Variants in MAN1B1 observed in about 807,000 individuals in gnomAD.
The protein encoded by MAN1B1 is endoplasmic reticulum mannosyl-oligosaccharide 1,2-alpha-mannosidase.
Under a neutral mutation model 75.5 loss-of-function variants are expected in MAN1B1, and 66 were observed. That is an observed-to-expected ratio of 0.87 (90% CI 0.72 to 1.07). MAN1B1 has a LOEUF of 1.07. MAN1B1 is among the 50% of genes least tolerant of loss of function. The pLI is 0.00. For missense variants in MAN1B1, 973 were observed against 912.5 expected, an observed-to-expected ratio of 1.07 and a Z score of -0.85; for synonymous variants, 453 against 382.8, an observed-to-expected ratio of 1.18 and a Z score of -2.14.
chr9:137,108,612 G>A lies in MAN1B1; in HGVS notation c.*21G>A, dbSNP rs955195943. On this transcript the variant is annotated 3_prime_UTR_variant, in exon 13 of 13. Transcript: ENST00000371589. ...CCTAGGGTGGATGGCTGCTGGTGTGGGGACTTCGGGTGGGCAGAGGCACCT... is the reference window on the plus strand; with the variant it reads ...CCTAGGGTGGATGGCTGCTGGTGTGAGGACTTCGGGTGGGCAGAGGCACCT... 6.2e-7 allele frequency: 1 copy of A among 1,612,002 alleles called. No individual in the cohort carries two copies. The highest frequency in any genetic ancestry group is 1.3e-5 in the African/African-American group (1 of 74,892).
intron 3 of MAN1B1, among the ~76,000 whole-genome samples, chr9:137,090,583 A>G (rs1208234119): frequency 1.3e-5 from 2 of 151,186 alleles, no homozygotes; most frequent in Non-Finnish European, 2.9e-5. Flanking sequence ...TCTGTCGCCC[A>G]GGCTGGAGTG....
At chr9:137,102,786 T>G (rs1588622064) in intron 8 of MAN1B1, 6 of 406,730 alleles carry the variant, frequency 1.5e-5, no homozygotes, top group African/African-American at 9.5e-5. Flanking sequence ...GTCGGTGGTG[T>G]TACACACATT....
At chr9:137,097,654 G>A (rs7858257) in intron 4 of MAN1B1, among the ~76,000 whole-genome samples, 174 bp from the exon 5 acceptor site, 1,620 of 152,294 alleles carry the variant, frequency 0.011, 29 homozygotes, top group African/African-American at 0.037. Context: ...TCTCAGGCAC[G>A]GGAGCTCAGG....
At chr9:137,100,924 G>A (rs1830790617) in intron 6 of MAN1B1, 81 bp from the exon 7 acceptor site, 7 of 1,547,410 alleles carry the variant, frequency 4.5e-6, no homozygotes, top group South Asian at 1.1e-5. Flanking sequence ...CCAGCCAAAT[G>A]TATTTTGAAG....
intron 8 of MAN1B1, chr9:137,105,282 C>T (rs1441940911): frequency 6.5e-6 from 1 of 154,104 alleles, no homozygotes; most frequent in Non-Finnish European, 1.4e-5. Context: ...ATGAGCTGGA[C>T]ACAGCCCTCT....
At chr9:137,106,542 G>T in intron 9 of MAN1B1, 147 bp from the exon 10 acceptor site, 2 of 1,311,820 alleles carry the variant, frequency 1.5e-6, no homozygotes, top group Non-Finnish European at 2.2e-6. Flanking sequence ...CTTCACTGAG[G>T]GCCATGGGCT....
chr9:137,087,953 A>AT, intron 1 of MAN1B1, 122 bp from the exon 2 acceptor site: 1 of 851,168 alleles, frequency 1.2e-6, no homozygotes, highest in Non-Finnish European at 1.9e-6. Context: ...AAAAAAAAAA[A>AT]GAAATAGAGC....
Position 137,106,290 on chromosome 9 carries a change from A to G in MAN1B1, c.1420A>G (p.Ile474Val), listed in dbSNP as rs1470145916. The G allele has an allele frequency of 5.8e-6, 9 of 1,557,196 alleles. No individual in the cohort carries two copies. Among genetic ancestry groups the G allele is most frequent in the Non-Finnish European group, 7.8e-6 (9 of 1,151,118 alleles). The change falls in exon 9 of 13, where the codon ATC becomes GTC. Residue 474 changes from isoleucine (I) to valine (V), a missense_variant. Physicochemically the swap from Ile to Val is conservative, Grantham distance 29. Coordinates refer to ENST00000371589, the MANE Select transcript of MAN1B1 (RefSeq NM_016219.5). ...CTATGAGTACCTGCTGAAGCAGTGGATCCAGGGCGGGAAGCAGGAGACACA... is the reference window on the plus strand; with the variant it reads ...CTATGAGTACCTGCTGAAGCAGTGGGTCCAGGGCGGGAAGCAGGAGACACA... ...SYYEYLLKQW[I>V]QGGKQETQLL...
intron 3 of MAN1B1, among the ~76,000 whole-genome samples, chr9:137,093,250 C>T (rs973521557): frequency 5.9e-5 from 9 of 152,028 alleles, no homozygotes; most frequent in African/African-American, 2.2e-4. Context: ...ACAAATTAGC[C>T]AGGCGTGGTG....
intron 4 of MAN1B1, among the ~76,000 whole-genome samples, chr9:137,097,523 A>G (rs1588594444): frequency 6.6e-6 from 1 of 151,496 alleles, no homozygotes; most frequent in African/African-American, 2.4e-5. Context: ...AAGATTCTCT[A>G]CTCCTCCACC....
In MAN1B1 at chr9:137,108,543, C is replaced by T. The variant is rs118117962; in HGVS notation, c.2052C>T (p.Tyr684=). The change falls in exon 13 of 13, where the codon TAC becomes TAT. Residue 684 remains tyrosine (Y), a synonymous_variant. Transcript: ENST00000371589. ...CAAACCTGCTCAGCCTGGATGCCTA[C>T]GTGTTCAACACCGAAGCCCACCCTC... ...DDPNLLSLDA[Y]VFNTEAHPLP... 58,967 of 1,613,800 alleles carry T rather than the reference C, an allele frequency of 0.037. 1,258 individuals carry two copies. Among genetic ancestry groups the T allele is most frequent in the Non-Finnish European group, 0.042 (48,967 of 1,179,908 alleles).
chr9:137,095,570 T>A (rs1006686013), intron 3 of MAN1B1, among the ~76,000 whole-genome samples: 1 of 151,890 alleles, frequency 6.6e-6, no homozygotes, highest in Non-Finnish European at 1.5e-5. Flanking sequence ...ATAATAATAA[T>A]AAAAATTAAG....
chr9:137,102,133 G>A (rs572769991), intron 8 of MAN1B1: 84 of 447,980 alleles, frequency 1.9e-4, no homozygotes, highest in South Asian at 1.2e-3. Flanking sequence ...TCACGCTGTT[G>A]CAGGCGTGCA....
chr9:137,101,861 A>G, intron 8 of MAN1B1, 189 bp downstream of exon 8: 1 of 755,574 alleles, frequency 1.3e-6, no homozygotes, highest in Non-Finnish European at 2.3e-6. Flanking sequence ...ACGCTGTTGC[A>G]GGCGTGCAGG....
chr9:137,087,420 C>T (rs1252906814), intron 1 of MAN1B1: 2 of 738,308 alleles, frequency 2.7e-6, no homozygotes, highest in Non-Finnish European at 2.4e-6. Context: ...CTCAGCGGCC[C>T]AAATTCTGCG....
chr9:137,102,042 C>T (rs758394970), intron 8 of MAN1B1: 2 of 359,996 alleles, frequency 5.6e-6, no homozygotes, highest in South Asian at 1.9e-5. Flanking sequence ...CAGGTTGGTG[C>T]TGTTACACAC....
intron 8 of MAN1B1, chr9:137,105,363 TCCACGTGAGGCTCCCA>T (rs1831057707): frequency 8.6e-6 from 1 of 116,730 alleles, no homozygotes; most frequent in East Asian, 4.5e-4. Context: ...CCACACGCCA[TCCACGTGAGGCTCCCA>T]TGCAGACATT....
chr9:137,088,447 G>A, intron 2 of MAN1B1: 1 of 1,538,258 alleles, frequency 6.5e-7, no homozygotes, highest in Non-Finnish European at 8.8e-7. Flanking sequence ...TCAGCTGGTG[G>A]GCTTGAACAC....
rs1242636630 is a variant in MAN1B1, at chr9:137,103,179, TAC to T, written c.1254+1513_1254+1514del. The T allele has an allele frequency of 2.8e-4, 99 of 357,576 alleles. 2 individuals are homozygous for T. Among genetic ancestry groups the T allele is most frequent in the South Asian group, 1.3e-3 (76 of 60,158 alleles). 22.2% of individuals were successfully genotyped at this position (357,576 alleles called of 1,614,324 possible). ...CTGTTGCAGGCGTGCAGGTCGGTGG[TAC>T]ACACATTCACACTGTTGCAGGCGTG... is the stretch of plus-strand genomic sequence containing the variant. On this transcript the variant is annotated intron_variant, in intron 8 of 12. Coordinates refer to ENST00000371589, the MANE Select transcript of MAN1B1 (RefSeq NM_016219.5).
Sources: allele counts gnomAD v4.1 joint callset (sites outside exome capture counted in the v4.1 genomes callset), GRCh38; gene constraint gnomAD v4.1.1; transcripts MANE v1.5; gene names NCBI Gene and HGNC (gene_info 2026-07-23, HGNC 2026-07-21).